The following CD276 variants were observed in gnomAD, a reference collection of about 807,000 sequenced individuals.
The protein encoded by CD276 is CD276 antigen.
Under a neutral mutation model 50.0 loss-of-function variants are expected in CD276, and 34 were observed. That is an observed-to-expected ratio of 0.68 (90% CI 0.52 to 0.91). CD276 has a LOEUF of 0.91. CD276 is among the 40% of genes least tolerant of loss of function. The pLI is 0.00. For missense variants in CD276, 634 were observed against 717.5 expected (o/e 0.88, Z 1.33); for synonymous variants, 275 against 313.0 (o/e 0.88, Z 1.28).
intron 7 of CD276, 124 bp from the exon 8 acceptor site, chr15:73,709,524 G>A: frequency 1.2e-6 from 1 of 869,222 alleles, no homozygotes; most frequent in Non-Finnish European, 1.9e-6. Flanking sequence ...TCTAGCATTT[G>A]GTCCGCAGGT....
chr15:73,702,320 T>C lies in CD276; in HGVS notation c.145T>C (p.Cys49Arg), dbSNP rs763766438. 16 of 1,613,288 alleles carry C rather than the reference T, an allele frequency of 9.9e-6. No homozygotes were observed. Among genetic ancestry groups the C allele is most frequent in the South Asian group, 8.8e-5 (8 of 91,062 alleles). ...ACTGGTGGGCACCGATGCCACCCTG[T>C]GCTGCTCCTTCTCCCCTGAGCCTGG... ...VALVGTDATL[C>R]CSFSPEPGFS... The change falls in exon 3 of 10, where the codon TGC (cysteine) becomes CGC (arginine). Residue 49 changes from cysteine (C) to arginine (R), a missense_variant. Physicochemically the swap from Cys to Arg is radical, Grantham distance 180. Coordinates refer to ENST00000318443, the MANE Select transcript of CD276 (RefSeq NM_001024736.2).
At chr15:73,692,241 C>G (rs1900015566) in intron 1 of CD276, among the ~76,000 whole-genome samples, 1 of 152,176 alleles carries the variant, frequency 6.6e-6, no homozygotes, top group Non-Finnish European at 1.5e-5. Flanking sequence ...TGGCTTGACC[C>G]TTTCATCCAG....
Position 73,713,389 on chromosome 15 carries a change from A to T in CD276, c.*433A>T, listed in dbSNP as rs1900989863. On this transcript the variant is annotated 3_prime_UTR_variant, in exon 10 of 10. Transcript: ENST00000318443. ...TTCACCAAAGACACGATGCATAGTC[A>T]CCCCGGCCTTGTTTCTCCAATGGCC... The T allele has an allele frequency of 7.8e-6, 2 of 256,818 alleles. No homozygotes were observed. The allele number at this position is 256,818 out of a possible 1,614,324, so 15.9% of individuals were successfully genotyped here.
At chr15:73,690,229 G>A (rs1899935399) in intron 1 of CD276, among the ~76,000 whole-genome samples, 1 of 152,318 alleles carries the variant, frequency 6.6e-6, no homozygotes, top group South Asian at 2.1e-4. Flanking sequence ...GCCATTGCTA[G>A]AATTAAGGAT....
At chr15:73,705,257 ACAG>A (rs948519696) in intron 6 of CD276, among the ~76,000 whole-genome samples, 1 of 152,176 alleles carries the variant, frequency 6.6e-6, no homozygotes, top group Non-Finnish European at 1.5e-5. Flanking sequence ...TGAGGTCAGG[ACAG>A]CAGGTTTTGT....
chr15:73,708,609 CTGTG>C (rs201611942), intron 7 of CD276, 136 bp downstream of exon 7: 81 of 1,035,112 alleles, frequency 7.8e-5, no homozygotes, highest in Non-Finnish European at 1.0e-4. Context: ...CTGGATTTGT[CTGTG>C]TGTGACCTTG....
upstream of CD276, chr15:73,684,336 C>T (rs969077442): frequency 6.6e-6 from 1 of 151,768 alleles, no homozygotes; most frequent in East Asian, 1.9e-4. Flanking sequence ...GATTCTCCGG[C>T]GCGGCCCGCC....
rs1223329321 is a variant in CD276, at chr15:73,704,411, C to T, written c.1308C>T (p.Tyr436=). ...TGGTGCTGGGTGCGAATGGCACCTA[C>T]AGCTGCCTGGTGCGCAACCCCGTGC... is the stretch of plus-strand genomic sequence containing the variant. ...LRVVLGANGT[Y]SCLVRNPVLQ... is the part of the protein sequence containing the mutation. Residue 436 remains tyrosine, a synonymous_variant, in exon 6 of 10, where the codon TAC becomes TAT. Coordinates refer to ENST00000318443, the MANE Select transcript of CD276 (RefSeq NM_001024736.2). The surrounding 1 kb of genome is among the most constrained non-coding windows in gnomAD (Gnocchi z 4.1). The T allele has an allele frequency of 2.5e-6, 4 of 1,614,078 alleles. No individual in the cohort carries two copies. The highest frequency in any genetic ancestry group is 3.4e-6 in the Non-Finnish European group (4 of 1,180,044).
At chr15:73,686,948 C>G (rs1160340519) in intron 1 of CD276, among the ~76,000 whole-genome samples, 1 of 151,928 alleles carries the variant, frequency 6.6e-6, no homozygotes, top group Non-Finnish European at 1.5e-5. Flanking sequence ...TGGGTGGCGA[C>G]TTCTCATTGT....
In CD276 at chr15:73,713,199, T is replaced by A; in HGVS notation, c.*243T>A. ...AACAGACCACCCACAACCTTAGTTC[T>A]CTAAGTCATCCTGCCTGCTGCCTTA... On this transcript the variant is annotated 3_prime_UTR_variant, in exon 10 of 10. Transcript: ENST00000318443. 2.0e-6 allele frequency: 1 copy of A among 496,954 alleles called. No individual in the cohort carries two copies. Among genetic ancestry groups the A allele is most frequent in the Non-Finnish European group, 3.5e-6 (1 of 283,112 alleles). The allele number at this position is 496,954 out of a possible 1,614,324, so 30.8% of individuals were successfully genotyped here.
rs1944899124 is a variant in CD276, at chr15:73,704,873, G to C, written c.1369+401G>C. On this transcript the variant is annotated intron_variant, in intron 6 of 9. Transcript: ENST00000318443. This position sits in a 1 kb window ranked among gnomAD's most constrained non-coding sequence, Gnocchi z 4.1. ...GGCGCCATCTGATTCTGAAGCCTGAGTGACAGCTGGCCCTCCCTAGTTAGT... is the reference window on the plus strand; with the variant it reads ...GGCGCCATCTGATTCTGAAGCCTGACTGACAGCTGGCCCTCCCTAGTTAGT... 6.6e-6 allele frequency among the ~76,000 whole-genome samples: 1 copy of C among 152,206 alleles called. No individual in the cohort carries two copies. The highest frequency in any genetic ancestry group is 2.1e-4 in the South Asian group (1 of 4,826).
chr15:73,696,258 C>T (rs960567876), intron 1 of CD276, among the ~76,000 whole-genome samples: 1 of 151,964 alleles, frequency 6.6e-6, no homozygotes. Flanking sequence ...TGAGATTCCC[C>T]TTTGTGGAAA....
chr15:73,704,268 T>C lies in CD276; in HGVS notation c.1165T>C (p.Tyr389His). The C allele has an allele frequency of 6.2e-7, 1 of 1,614,134 alleles. No homozygotes were observed. The highest frequency in any genetic ancestry group is 8.5e-7 in the Non-Finnish European group (1 of 1,180,028). ...CATCACGTGCTCCAGCTACCGGGGC[T>C]ACCCTGAGGCTGAGGTGTTCTGGCA... Reference protein sequence around the residue: ...VTITCSSYRGYPEAEVFWQDG... With the variant: ...VTITCSSYRGHPEAEVFWQDG... The change falls in exon 6 of 10, where the codon TAC becomes CAC. Residue 389 changes from tyrosine (Y) to histidine (H), a missense_variant. Tyr to His is a moderately conservative substitution (Grantham distance 83). Transcript: ENST00000318443. This position sits in a 1 kb window ranked among gnomAD's most constrained non-coding sequence, Gnocchi z 4.1.
At chr15:73,700,460 G>A (rs923700853) in intron 2 of CD276, among the ~76,000 whole-genome samples, 1 of 152,244 alleles carries the variant, frequency 6.6e-6, no homozygotes, top group Non-Finnish European at 1.5e-5. Context: ...AGAAGTGCCT[G>A]TCTCTACCCA....
Position 73,708,423 on chromosome 15 carries a change from C to A in CD276, c.1454C>A (p.Ala485Asp). ...VCLIALLVAL[A>D]FVCWRKIKQS... is the part of the protein sequence containing the mutation. ...CTCATTGCACTGCTGGTGGCCCTGG[C>A]TTTCGTGTGCTGGAGAAAGATCAAA... Residue 485 changes from alanine (A) to aspartate (D), a missense_variant, in exon 7 of 10, where the codon GCT becomes GAT. By Grantham distance (126) the Ala-to-Asp change is moderately radical (BLOSUM62 -2). Transcript: ENST00000318443. 6.2e-7 allele frequency: 1 copy of A among 1,614,050 alleles called. No homozygotes were observed. The highest frequency in any genetic ancestry group is 8.5e-7 in the Non-Finnish European group (1 of 1,179,986).
intron 1 of CD276, among the ~76,000 whole-genome samples, 187 bp from the exon 2 acceptor site, chr15:73,699,399 T>A (rs1285531171): frequency 2.0e-5 from 3 of 152,092 alleles, no homozygotes; most frequent in Admixed American, 6.5e-5. Context: ...CTGTCAGGCC[T>A]CCCCAGGGAC....
At chr15:73,699,764 G>A in intron 2 of CD276, 46 bp downstream of exon 2, 3 of 1,537,244 alleles carry the variant, frequency 2.0e-6, no homozygotes, top group Non-Finnish European at 1.8e-6. Context: ...CAGTGATTGT[G>A]GCAGTTGGGG....
chr15:73,711,310 T>A, intron 9 of CD276, 140 bp downstream of exon 9: 1 of 863,748 alleles, frequency 1.2e-6, no homozygotes, highest in Non-Finnish European at 1.9e-6. Context: ...TTCCCCCTGG[T>A]GAGATGGCAG....
intron 9 of CD276, among the ~76,000 whole-genome samples, chr15:73,712,720 C>A (rs1388056979): frequency 6.6e-6 from 1 of 152,170 alleles, no homozygotes. Context: ...GGTGGTCCCC[C>A]TCAGGTGCCC....
Sources: allele counts gnomAD v4.1 joint callset (sites outside exome capture counted in the v4.1 genomes callset), GRCh38; gene constraint gnomAD v4.1.1; non-coding constraint Gnocchi (gnomAD v3.1); transcripts MANE v1.5; gene names NCBI Gene and HGNC (gene_info 2026-07-23, HGNC 2026-07-21).